The following RTF2 variants were observed in gnomAD, a reference collection of about 807,000 sequenced individuals.
RTF2 encodes the protein UPF0549 protein C20orf43.
RTF2 carries 18 observed loss-of-function variants against 38.0 expected under a neutral mutation model. The ratio of observed to expected loss-of-function variants is 0.47; its 90% confidence interval spans 0.33 to 0.70. The LOEUF (loss-of-function observed/expected upper bound fraction) is 0.70, where lower values mean the gene tolerates loss of function less well. Ranked by LOEUF, RTF2 falls within the 30% of genes least tolerant of loss-of-function variation. The pLI is 0.02. For synonymous variants in RTF2, 126 were observed against 137.1 expected (o/e 0.92, Z 0.57); for missense variants, 311 against 379.6 (o/e 0.82, Z 1.50).
At chr20:56,487,989 C>T (rs193027505) in intron 5 of RTF2, among the ~76,000 whole-genome samples, 1 of 152,302 alleles carries the variant, frequency 6.6e-6, no homozygotes, top group African/African-American at 2.4e-5. Flanking sequence ...TTTTGAGGTA[C>T]TAGGGCTTGG....
At chr20:56,484,413 T>C in intron 5 of RTF2, among the ~76,000 whole-genome samples, 1 of 152,234 alleles carries the variant, frequency 6.6e-6, no homozygotes, top group Non-Finnish European at 1.5e-5. Context: ...TTCCTGAATG[T>C]GCTGCTGCCT....
intron 5 of RTF2, among the ~76,000 whole-genome samples, chr20:56,507,965 C>A (rs1452007206): frequency 6.6e-6 from 1 of 152,336 alleles, no homozygotes; most frequent in East Asian, 1.9e-4. Flanking sequence ...CTCCTGTAGG[C>A]CCAGCTCTCT....
intron 3 of RTF2, 89 bp downstream of exon 3, chr20:56,474,860 C>A: frequency 1.3e-6 from 1 of 784,798 alleles, no homozygotes; most frequent in Non-Finnish European, 2.0e-6. Context: ...AGACTGAACT[C>A]AGAAATTTGG....
chr20:56,515,687 C>CAT (rs1297044192), intron 6 of RTF2: 1 of 152,016 alleles, frequency 6.6e-6, no homozygotes, highest in African/African-American at 2.4e-5. Context: ...CACACACACA[C>CAT]ACACACGGAA....
chr20:56,509,527 C>T (rs911902827), intron 5 of RTF2, among the ~76,000 whole-genome samples: 2 of 151,184 alleles, frequency 1.3e-5, no homozygotes, highest in African/African-American at 2.4e-5. Context: ...GCAGGAGAAT[C>T]GCTTGAACCC....
At chr20:56,479,900 C>G (rs1474647117) in intron 4 of RTF2, among the ~76,000 whole-genome samples, 1 of 149,446 alleles carries the variant, frequency 6.7e-6, no homozygotes. Flanking sequence ...CAGATGTGCT[C>G]TCATTCAGGC....
chr20:56,487,374 A>G (rs1276624209), intron 5 of RTF2, among the ~76,000 whole-genome samples: 1 of 152,198 alleles, frequency 6.6e-6, no homozygotes, highest in Non-Finnish European at 1.5e-5. Flanking sequence ...AGCAGGAGGA[A>G]AGAGGAACAG....
intron 5 of RTF2, among the ~76,000 whole-genome samples, chr20:56,493,475 T>C (rs781642427): frequency 3.3e-5 from 5 of 151,938 alleles, no homozygotes; most frequent in Non-Finnish European, 7.4e-5. Flanking sequence ...CTGGGCAGCA[T>C]AGTGAGACCC....
chr20:56,472,347 A>C (rs1982014210), intron 1 of RTF2: 3 of 1,544,196 alleles, frequency 1.9e-6, no homozygotes, highest in Non-Finnish European at 2.6e-6. Context: ...GAAGAATGGG[A>C]AAGAGTGGTG....
rs775805242 is a variant in RTF2 at position 56,495,230 on chromosome 20, C to T, written c.477+11041C>T. ...TACATCCATCATGAACATTTCCTTC[C>T]TCACTTTTCCGCTTAATGGCTCGAA... On this transcript the variant is annotated intron_variant, in intron 5 of 8. Transcript: ENST00000357348. The T allele has an allele frequency of 1.5e-5, 23 of 1,551,290 alleles. No homozygotes were observed. The Middle Eastern group carries it at 2.2e-3, about 146-fold the overall frequency.
At chr20:56,472,232 T>C in intron 1 of RTF2, 1 of 784,060 alleles carries the variant, frequency 1.3e-6, no homozygotes, top group Non-Finnish European at 2.1e-6. Context: ...AAAAATAAAT[T>C]AATAAAATAA....
intron 5 of RTF2, among the ~76,000 whole-genome samples, chr20:56,507,407 C>G (rs1306490686): frequency 1.3e-5 from 2 of 152,148 alleles, no homozygotes; most frequent in Non-Finnish European, 2.9e-5. Context: ...AAGGTTCAAG[C>G]CATTGAGGCC....
chr20:56,493,666 A>AAAAG (rs1354406907), intron 5 of RTF2, among the ~76,000 whole-genome samples: 1 of 151,838 alleles, frequency 6.6e-6, no homozygotes, highest in Non-Finnish European at 1.5e-5. Flanking sequence ...CAAAAAAAAA[A>AAAAG]AAAAAAGACT....
intron 4 of RTF2, 88 bp from the exon 5 acceptor site, chr20:56,484,023 T>C (rs1982654913): frequency 2.8e-6 from 3 of 1,080,556 alleles, no homozygotes; most frequent in Non-Finnish European, 4.2e-6. Context: ...TTTTAATCTT[T>C]GTGGTTCTTG....
intron 5 of RTF2, chr20:56,491,569 T>C: frequency 6.5e-7 from 1 of 1,545,268 alleles, no homozygotes; most frequent in South Asian, 1.2e-5. Context: ...AGCGGTTCAG[T>C]CTCATATTGA....
rs763602643 is a variant in RTF2 at position 56,518,494 on chromosome 20, C to T, written c.*229C>T. On this transcript the variant is annotated 3_prime_UTR_variant, in exon 9 of 9. Transcript: ENST00000357348. ...GGCCCGAGGTCATGCTTGCTTCCAC[C>T]TGCAGGTGCATTTGGTCCTTTCCAT... The T allele has an allele frequency of 1.3e-4, 55 of 417,588 alleles. No homozygotes were observed. The highest frequency in any genetic ancestry group is 1.8e-4 in the Non-Finnish European group (43 of 237,940). 25.9% of individuals were successfully genotyped at this position (417,588 alleles called of 1,614,324 possible).
intron 1 of RTF2, chr20:56,472,264 C>A: frequency 1.0e-6 from 1 of 956,994 alleles, no homozygotes; most frequent in Non-Finnish European, 1.6e-6. Context: ...TTGTTTTTGT[C>A]TTCTTTTTTT....
intron 5 of RTF2, among the ~76,000 whole-genome samples, chr20:56,487,488 C>CT (rs1163612021): frequency 2.6e-5 from 4 of 152,226 alleles, no homozygotes; most frequent in Non-Finnish European, 4.4e-5. Flanking sequence ...GCTGTTGCGA[C>CT]TTTCTGCAGT....
rs183923914 is a variant in RTF2, at chr20:56,497,854, C to T, written c.477+13665C>T. Reference sequence around the variant, plus strand: ...TCTTTCTTTCCATCCACATCTCTGGCAATTGCCGATACGCCTTCTGTCACT... The same window carrying T: ...TCTTTCTTTCCATCCACATCTCTGGTAATTGCCGATACGCCTTCTGTCACT... On this transcript the variant is annotated intron_variant, in intron 5 of 8. Transcript: ENST00000357348. Among the ~76,000 whole-genome samples, 71 of 152,334 alleles carry T rather than the reference C, an allele frequency of 4.7e-4. 1 individual carries two copies. The highest frequency in any genetic ancestry group is 3.4e-3 in the Admixed American group (52 of 15,302).
Sources: allele counts gnomAD v4.1 joint callset (sites outside exome capture counted in the v4.1 genomes callset), GRCh38; gene constraint gnomAD v4.1.1; transcripts MANE v1.5; gene names NCBI Gene and HGNC (gene_info 2026-07-23, HGNC 2026-07-21).